SIK2: variants seen among roughly 807,000 people sequenced by gnomAD.
The protein encoded by SIK2 is serine/threonine-protein kinase SIK2.
SIK2 carries 29 observed loss-of-function variants against 103.2 expected under a neutral mutation model. The ratio of observed to expected loss-of-function variants is 0.28; its 90% CI spans 0.21 to 0.38. The LOEUF (loss-of-function observed/expected upper bound fraction) is 0.38. SIK2 is among the 10% of genes least tolerant of loss of function. The probability of loss-of-function intolerance (pLI) is 1.00; values close to 1 mark genes in which losing one functional copy is unlikely to be tolerated. For missense variants in SIK2, 879 were observed against 1,171.0 expected (o/e 0.75, Z 3.64); for synonymous variants, 412 against 446.1 (o/e 0.92, Z 0.96).
chr11:111,648,695 A>T (rs1942289936), intron 3 of SIK2, among the ~76,000 whole-genome samples: 1 of 152,086 alleles, frequency 6.6e-6, no homozygotes, highest in Admixed American at 6.5e-5. Flanking sequence ...AGAAAATATG[A>T]ATCAAGCTGT....
chr11:111,679,518 C>G (rs1044369674), intron 3 of SIK2, among the ~76,000 whole-genome samples: 1 of 152,126 alleles, frequency 6.6e-6, no homozygotes, highest in Non-Finnish European at 1.5e-5. Flanking sequence ...CAGAGAAAAG[C>G]AAAGTGTTTT....
At chr11:111,670,216 C>A (rs1018434254) in intron 3 of SIK2, among the ~76,000 whole-genome samples, 3 of 152,148 alleles carry the variant, frequency 2.0e-5, no homozygotes, top group Non-Finnish European at 2.9e-5. Flanking sequence ...GCCACTTTTG[C>A]GCCTTTAATC....
In SIK2 at chr11:111,721,958, C is replaced by G; in HGVS notation, c.2055+18C>G. 6.5e-7 allele frequency: 1 copy of G among 1,534,706 alleles called. No homozygotes were observed. Among genetic ancestry groups the G allele is most frequent in the Non-Finnish European group, 8.8e-7 (1 of 1,132,576 alleles). On this transcript the variant is annotated intron_variant, in intron 13 of 14. Coordinates refer to ENST00000304987, the MANE Select transcript of SIK2 (RefSeq NM_015191.3). ...GACTCCAGGTGGGTCCTTCTCCTTG[C>G]GAGTCCACCTCACTCTGCTCATCCA...
intron 4 of SIK2, among the ~76,000 whole-genome samples, chr11:111,691,100 G>T (rs1450920955): frequency 6.6e-6 from 1 of 152,156 alleles, no homozygotes; most frequent in Non-Finnish European, 1.5e-5. Context: ...ACCAAGTTTT[G>T]CCTGGCTATA....
At position 111,728,666 on chromosome 11, in the gene SIK2, C is replaced by T. The variant is rs182621214; in HGVS notation, c.*4537C>T. 887 of 152,280 alleles carry T rather than the reference C, an allele frequency of 5.8e-3. 3 individuals are homozygous for T. The highest frequency in any genetic ancestry group is 0.01 in the Middle Eastern group (3 of 296). The allele number at this position is 152,280 out of a possible 1,614,324, so 9.4% of individuals were successfully genotyped here. A position where few individuals can be genotyped will look rare whatever the true frequency, so the allele number is the denominator to read the frequency against. On this transcript the variant is annotated 3_prime_UTR_variant, in exon 15 of 15. Coordinates refer to ENST00000304987, the MANE Select transcript of SIK2 (RefSeq NM_015191.3). ...AGTATCAGCCGGGCGCGGTGGCTCA[C>T]GCCTGTAATCCCAACACTTTGGGAG...
At chr11:111,702,813 G>C (rs1943248146) in intron 6 of SIK2, among the ~76,000 whole-genome samples, 1 of 152,164 alleles carries the variant, frequency 6.6e-6, no homozygotes, top group Non-Finnish European at 1.5e-5. Context: ...AGAGCTCTTT[G>C]CCTCGCTTAC....
chr11:111,603,229 T>G (rs935454884), intron 1 of SIK2, among the ~76,000 whole-genome samples: 3 of 152,094 alleles, frequency 2.0e-5, no homozygotes, highest in Non-Finnish European at 2.9e-5. Context: ...AAGGGCCCCA[T>G]GGCTGGGAAT....
intron 3 of SIK2, among the ~76,000 whole-genome samples, chr11:111,652,138 A>G (rs1942334569): frequency 6.6e-6 from 1 of 152,214 alleles, no homozygotes; most frequent in Admixed American, 6.5e-5. Flanking sequence ...AAAAAGATAA[A>G]TATTACATAT....
chr11:111,616,435 A>G (rs1413737466), intron 2 of SIK2, 76 bp downstream of exon 2: 3 of 846,614 alleles, frequency 3.5e-6, no homozygotes, highest in South Asian at 3.4e-5. Context: ...TTTTCTTCTT[A>G]TATTTGTTTT....
chr11:111,725,434 C>A lies in SIK2; in HGVS notation c.*1305C>A, dbSNP rs944222852. 1 of 152,502 alleles carries A rather than the reference C, an allele frequency of 6.6e-6. No homozygotes were observed. The highest frequency in any genetic ancestry group is 1.5e-5 in the Non-Finnish European group (1 of 68,046). 9.4% of individuals were successfully genotyped at this position (152,502 alleles called of 1,614,324 possible). ...ACTAATAAAACTTAACCAACACTTA[C>A]AATTCAGTCATCAAAGTAAGTAAAA... is the stretch of plus-strand genomic sequence containing the variant. On this transcript the variant is annotated 3_prime_UTR_variant, in exon 15 of 15. Coordinates refer to ENST00000304987, the MANE Select transcript of SIK2 (RefSeq NM_015191.3).
At chr11:111,622,081 C>T (rs2135841519) in intron 3 of SIK2, among the ~76,000 whole-genome samples, 1 of 151,844 alleles carries the variant, frequency 6.6e-6, no homozygotes, top group East Asian at 1.9e-4. Flanking sequence ...TGAAAATTAT[C>T]TATCAGTGTA....
chr11:111,721,131 C>G (rs1012191473), intron 12 of SIK2, 69 bp downstream of exon 12: 41 of 1,507,714 alleles, frequency 2.7e-5, no homozygotes, highest in Non-Finnish European at 3.4e-5. Flanking sequence ...TGAAGATGGT[C>G]ATTTTCACTT....
chr11:111,726,930 T>C lies in SIK2; in HGVS notation c.*2801T>C. 6.2e-7 allele frequency: 1 copy of C among 1,604,054 alleles called. No homozygotes were observed. The highest frequency in any genetic ancestry group is 8.5e-7 in the Non-Finnish European group (1 of 1,171,086). On this transcript the variant is annotated 3_prime_UTR_variant, in exon 15 of 15. Coordinates refer to ENST00000304987, the MANE Select transcript of SIK2 (RefSeq NM_015191.3). ...GCAAAAAGTGCAATATGTGTGGTAC[T>C]TTATTTTTTATGTTCTTTTTTTAAA...
intron 3 of SIK2, among the ~76,000 whole-genome samples, chr11:111,655,247 C>T (rs977094496): frequency 1.3e-5 from 2 of 152,062 alleles, no homozygotes; most frequent in Non-Finnish European, 2.9e-5. Flanking sequence ...ACTAAAAATA[C>T]AAAAATTAGC....
intron 3 of SIK2, among the ~76,000 whole-genome samples, chr11:111,682,576 G>C (rs1277443184): frequency 6.6e-6 from 1 of 152,054 alleles, no homozygotes; most frequent in African/African-American, 2.4e-5. Flanking sequence ...ACATAGAAAA[G>C]TATTTAGAGT....
chr11:111,645,480 T>G (rs970147863), intron 3 of SIK2, among the ~76,000 whole-genome samples: 1 of 152,092 alleles, frequency 6.6e-6, no homozygotes, highest in Admixed American at 6.5e-5. Context: ...AATCCAAAAC[T>G]AAGGTATGTA....
rs768095526 is a variant in SIK2 at position 111,712,285 on chromosome 11, G to A, written c.1176G>A (p.Gln392=). Residue 392 remains glutamine, a synonymous_variant, in exon 9 of 15, where the codon CAG becomes CAA. Transcript: ENST00000304987. ...MRLLRSALLP[Q]ASNVEAFSFP... ...TGCTGCGATCTGCCCTCCTCCCCCA[G>A]GCATCCAACGTGGAGGCCTTTTCAT... is the stretch of plus-strand genomic sequence containing the variant. 1 of 1,614,178 alleles carries A rather than the reference G, an allele frequency of 6.2e-7. No homozygotes were observed. Among genetic ancestry groups the A allele is most frequent in the Admixed American group, 1.7e-5 (1 of 60,020 alleles).
chr11:111,634,090 G>T (rs1942073937), intron 3 of SIK2, among the ~76,000 whole-genome samples: 1 of 152,096 alleles, frequency 6.6e-6, no homozygotes, highest in African/African-American at 2.4e-5. Context: ...AGCAGATTCT[G>T]GCCTGGTAAT....
chr11:111,673,310 A>G (rs1364304709), intron 3 of SIK2, among the ~76,000 whole-genome samples: 1 of 152,184 alleles, frequency 6.6e-6, no homozygotes, highest in African/African-American at 2.4e-5. Context: ...CATGGTCACA[A>G]GGTTTGATAT....
Sources: gnomAD v4.1 joint callset for allele counts (sites outside exome capture counted in the v4.1 genomes callset) on GRCh38, gnomAD v4.1.1 for gene constraint, MANE v1.5 for transcripts, NCBI Gene and HGNC (gene_info 2026-07-23, HGNC 2026-07-21) for gene names.